IKBKG: variants seen among roughly 807,000 people sequenced by gnomAD.
The protein encoded by IKBKG is inhibitor of nuclear factor kappa B kinase regulatory subunit gamma.
A neutral mutation model predicts 13.7 loss-of-function variants in IKBKG; 2 were observed. That is an observed-to-expected ratio of 0.15 (90% confidence interval 0.06 to 0.46). IKBKG has a LOEUF of 0.46. IKBKG is among the 20% of genes least tolerant of loss of function. IKBKG has a pLI of 0.98. For missense variants in IKBKG, 53 were observed against 150.3 expected (o/e 0.35, Z 3.39); for synonymous variants, 22 against 64.4 (o/e 0.34, Z 3.15).
intron 1 of IKBKG, among the ~76,000 whole-genome samples, chrX:154,541,757 A>G (rs899411291): frequency 2.7e-5 from 3 of 112,640 alleles, no homozygotes; most frequent in Non-Finnish European, 5.6e-5. Context: ...GGCATGATGA[A>G]GATCTCTAGC....
chrX:154,546,748 G>A (rs1379012913), upstream of IKBKG: 3 of 1,072,590 alleles, frequency 2.8e-6, no homozygotes, highest in Non-Finnish European at 2.5e-6. Context: ...GCGCGGGACA[G>A]TACGCTCCTC....
intron 2 of IKBKG, among the ~76,000 whole-genome samples, chrX:154,553,503 G>C (rs1557235495): frequency 1.8e-5 from 2 of 112,581 alleles, no homozygotes; most frequent in African/African-American, 6.5e-5. Flanking sequence ...GGTCAGTGCA[G>C]TCAGCTTGCT....
chrX:154,551,184 A>G (rs1603417413), intron 1 of IKBKG, among the ~76,000 whole-genome samples: 1 of 105,988 alleles, frequency 9.4e-6, no homozygotes. Context: ...TCCTGACCTC[A>G]TGATTGGCCC....
intron 1 of IKBKG, among the ~76,000 whole-genome samples, chrX:154,541,786 CCAGGG>C (rs375146453): frequency 8.9e-6 from 1 of 112,670 alleles, no homozygotes; most frequent in African/African-American, 3.2e-5. Flanking sequence ...TCTGGCTAGG[CCAGGG>C]CAAAGGGACC....
intron 1 of IKBKG, chrX:154,548,186 G>A (rs781800376): frequency 4.8e-6 from 3 of 619,366 alleles, no homozygotes; most frequent in East Asian, 3.3e-4. Flanking sequence ...GGCTCTCCTG[G>A]CACATTAGAG....
intron 2 of IKBKG, among the ~76,000 whole-genome samples, chrX:154,553,152 G>A (rs5986993): frequency 2.8e-3 from 319 of 112,555 alleles, no homozygotes; most frequent in African/African-American, 1.0e-2. Flanking sequence ...TCAGGCCTAA[G>A]TGTCCACCCC....
At chrX:154,549,961 C>T (rs1287239999) in intron 1 of IKBKG, among the ~76,000 whole-genome samples, 1 of 112,150 alleles carries the variant, frequency 8.9e-6, no homozygotes, top group African/African-American at 3.2e-5. Flanking sequence ...TTTCCACTCT[C>T]TGGCTGCTAT....
upstream of IKBKG, among the ~76,000 whole-genome samples, chrX:154,544,701 G>A (rs1557232780): frequency 8.9e-6 from 1 of 112,140 alleles, no homozygotes; most frequent in Non-Finnish European, 1.9e-5. Context: ...CTTATGGGGA[G>A]TCAGAGGACA....
At chrX:154,547,081 ATCCCCAAT>A (rs1359500378), upstream of IKBKG, 715 of 163,648 alleles carry the variant, frequency 4.4e-3, 7 homozygotes, top group African/African-American at 0.021. Flanking sequence ...GCTGCTCTGC[ATCCCCAAT>A]TCCGGCGGGC....
intron 2 of IKBKG, among the ~76,000 whole-genome samples, chrX:154,553,616 C>G (rs1443779292): frequency 8.9e-6 from 1 of 112,666 alleles, no homozygotes; most frequent in Non-Finnish European, 1.9e-5. Flanking sequence ...ACAGGGTCCC[C>G]CACCTCAGTG....
chrX:154,546,122 C>G, upstream of IKBKG: 2 of 1,212,094 alleles, frequency 1.7e-6, no homozygotes, highest in Middle Eastern at 2.3e-4. Context: ...ATCCCGCACA[C>G]CTGGGTCCGG....
chrX:154,550,580 T>C, intron 1 of IKBKG, among the ~76,000 whole-genome samples: 1 of 109,306 alleles, frequency 9.1e-6, no homozygotes. Flanking sequence ...GACAGAGCCC[T>C]GGGGCAGCCC....
At chrX:154,553,105 G>T (rs1396984789) in intron 2 of IKBKG, among the ~76,000 whole-genome samples, 1 of 112,673 alleles carries the variant, frequency 8.9e-6, no homozygotes, top group Non-Finnish European at 1.9e-5. Flanking sequence ...GGGGCCTGTA[G>T]CCCTTTTTGT....
chrX:154,547,609 G>C, upstream of IKBKG: 1 of 755,008 alleles, frequency 1.3e-6, no homozygotes, highest in Non-Finnish European at 1.6e-6. Flanking sequence ...GGATCCCACA[G>C]CTATGACACC....
At chrX:154,542,235 G>A (rs1382180301) in intron 1 of IKBKG, 1 of 984,470 alleles carries the variant, frequency 1.0e-6, no homozygotes, top group Non-Finnish European at 1.4e-6. Context: ...GCCCATCATT[G>A]GGATGCGTCC....
chrX:154,549,437 ATT>A (rs781992636), intron 1 of IKBKG, among the ~76,000 whole-genome samples: 6 of 97,118 alleles, frequency 6.2e-5, no homozygotes, highest in African/African-American at 1.9e-4. Flanking sequence ...ACTCCCAGCT[ATT>A]TTTTTTTTTT....
intron 2 of IKBKG, among the ~76,000 whole-genome samples, chrX:154,555,226 G>A: frequency 8.9e-6 from 1 of 112,355 alleles, no homozygotes; most frequent in Non-Finnish European, 1.9e-5. Flanking sequence ...GGGCCTCTCA[G>A]GCTGCAGCCA....
chrX:154,546,752 G>A (rs986916864), upstream of IKBKG: 119 of 1,085,168 alleles, frequency 1.1e-4, no homozygotes, highest in Admixed American at 5.2e-4. Context: ...GGGACAGTAC[G>A]CTCCTCCGCC....
intron 2 of IKBKG, among the ~76,000 whole-genome samples, chrX:154,553,034 C>T (rs1797502130): frequency 8.9e-6 from 1 of 112,652 alleles, no homozygotes; most frequent in East Asian, 2.8e-4. Context: ...TTCTAAGCCT[C>T]GGGTCCCAGA....
Sources: gnomAD v4.1 joint callset for allele counts (sites outside exome capture counted in the v4.1 genomes callset) on GRCh38, gnomAD v4.1.1 for gene constraint, MANE v1.5 for transcripts, NCBI Gene and HGNC (gene_info 2026-07-23, HGNC 2026-07-21) for gene names.